The following ZNF653 variants were observed in gnomAD, a reference collection of about 807,000 sequenced individuals.
ZNF653 encodes zinc finger protein 653.
ZNF653 carries 37 observed loss-of-function variants against 59.9 expected under a neutral mutation model. The observed-to-expected ratio is 0.62, with a 90% confidence interval of 0.48 to 0.81. The LOEUF (loss-of-function observed/expected upper bound fraction) is 0.81. Ranked by LOEUF, ZNF653 falls within the 40% of genes least tolerant of loss-of-function variation. The probability of loss-of-function intolerance (pLI) is 0.00; values close to 1 mark genes in which losing one functional copy is unlikely to be tolerated. For synonymous variants in ZNF653, 435 were observed against 371.8 expected (o/e 1.17, Z -1.96); for missense variants, 808 against 881.1 (o/e 0.92, Z 1.05).
At chr19:11,485,882 G>A (rs1971460645) in intron 6 of ZNF653, 112 bp from the exon 7 acceptor site, 3 of 772,256 alleles carry the variant, frequency 3.9e-6, no homozygotes, top group South Asian at 1.5e-5. Flanking sequence ...TCCCCAGGAG[G>A]AGGGAAGAGG....
At chr19:11,497,889 T>C (rs1391736081) in intron 2 of ZNF653, among the ~76,000 whole-genome samples, 1 of 152,144 alleles carries the variant, frequency 6.6e-6, no homozygotes, top group Admixed American at 6.5e-5. Flanking sequence ...CCAGCTGGCC[T>C]TCACCCTGCT....
intron 6 of ZNF653, 36 bp downstream of exon 6, chr19:11,486,733 G>A (rs1194252100): frequency 6.5e-7 from 1 of 1,536,422 alleles, no homozygotes; most frequent in Non-Finnish European, 8.9e-7. Context: ...TGGGCCTTGT[G>A]GGCCTGGCCC....
chr19:11,490,371 T>C (rs1275388670), intron 3 of ZNF653, among the ~76,000 whole-genome samples: 3 of 152,086 alleles, frequency 2.0e-5, no homozygotes, highest in African/African-American at 4.8e-5. Context: ...AAGAGGGTTT[T>C]TGTTGTTCTG....
At chr19:11,489,805 G>A (rs1971511338) in intron 3 of ZNF653, among the ~76,000 whole-genome samples, 2 of 152,158 alleles carry the variant, frequency 1.3e-5, no homozygotes, top group Non-Finnish European at 2.9e-5. Context: ...CCAGACCCAC[G>A]CTGTGGTATC....
intron 3 of ZNF653, among the ~76,000 whole-genome samples, chr19:11,488,221 C>T (rs1254904524): frequency 6.6e-6 from 1 of 151,612 alleles, no homozygotes; most frequent in Non-Finnish European, 1.5e-5. Flanking sequence ...GCGATCTCTG[C>T]TCACTACAAG....
intron 1 of ZNF653, among the ~76,000 whole-genome samples, chr19:11,501,647 T>C (rs1971645509): frequency 6.6e-6 from 1 of 152,174 alleles, no homozygotes; most frequent in African/African-American, 2.4e-5. Flanking sequence ...GCACTGGACA[T>C]GGCAGACACT....
At position 11,483,510 on chromosome 19, in the gene ZNF653, T is replaced by C. The variant is rs899876739; in HGVS notation, c.*172A>G. 6.4e-6 allele frequency: 9 copies of C among 1,399,664 alleles called. No homozygotes were observed. The highest frequency in any genetic ancestry group is 8.4e-6 in the Non-Finnish European group (9 of 1,077,252). The allele number at this position is 1,399,664 out of a possible 1,614,324, so 86.7% of individuals were successfully genotyped here. ...CCCCAGGCACCAGCTCCGAGAAGGA[T>C]GCGGTGGGGCGGGGTGGGGAACCTG... On this transcript the variant is annotated 3_prime_UTR_variant, in exon 9 of 9. Transcript: ENST00000293771.
intron 3 of ZNF653, among the ~76,000 whole-genome samples, chr19:11,490,723 A>G (rs540715080): frequency 1.3e-5 from 2 of 152,100 alleles, no homozygotes; most frequent in Non-Finnish European, 1.5e-5. Context: ...ACAACCATCC[A>G]TGGCCTGGTG....
chr19:11,497,119 C>T (rs1434288543), intron 2 of ZNF653, among the ~76,000 whole-genome samples: 2 of 152,244 alleles, frequency 1.3e-5, no homozygotes, highest in African/African-American at 4.8e-5. Flanking sequence ...AGAGGCCACT[C>T]CCTGCCCAGT....
Position 11,485,669 on chromosome 19 carries a change from C to G in ZNF653, c.1557G>C (p.Met519Ile). The change falls in exon 7 of 9, where the codon ATG becomes ATC. Residue 519 changes from methionine (M) to isoleucine (I), a missense_variant. Transcript: ENST00000293771. The stretch of plus-strand genomic sequence containing the variant: ...CCAGGGCCTGACCTGAATGGATGAT[C>G]ATGTGCCGCCGCAGGTGGTTGGATA... ...FYLSNHLRRH[M>I]IIHSGVREFT... 1 of 1,613,880 alleles carries G rather than the reference C, an allele frequency of 6.2e-7. No individual in the cohort carries two copies.
Position 11,495,943 on chromosome 19 carries a change from G to T in ZNF653, c.559+7C>A, listed in dbSNP as rs1387947689. On this transcript the variant is annotated splice_region_variant and intron_variant, in intron 3 of 8. Coordinates refer to ENST00000293771, the MANE Select transcript of ZNF653 (RefSeq NM_138783.4). The surrounding 1 kb of genome is among the most constrained non-coding windows in gnomAD (Gnocchi z 4.9). The stretch of plus-strand genomic sequence containing the variant: ...GCCCCCTATGTGCCCTCGCCCTGCA[G>T]ACCTACCTTTGTCACTGTCAGGGTC... 1.2e-6 allele frequency: 2 copies of T among 1,613,518 alleles called. No homozygotes were observed. The highest frequency in any genetic ancestry group is 1.1e-5 in the South Asian group (1 of 90,974).
At chr19:11,490,147 G>A (rs1971515627) in intron 3 of ZNF653, among the ~76,000 whole-genome samples, 2 of 152,146 alleles carry the variant, frequency 1.3e-5, no homozygotes, top group Admixed American at 1.3e-4. Context: ...CCCATCCTCA[G>A]GTTTGATAAT....
At position 11,505,660 on chromosome 19, in the gene ZNF653, C is replaced by G; in HGVS notation, c.127G>C (p.Asp43His). Reference sequence around the variant, plus strand: ...GACTCGAGCCGTCGCCGGGCCCGGTCCGACTCCGTGAGTCGCGGCCGGCCC... The same window carrying G: ...GACTCGAGCCGTCGCCGGGCCCGGTGCGACTCCGTGAGTCGCGGCCGGCCC... The part of the protein sequence containing the change: ...ARGRPRLTES[D>H]RARRRLESRK... Residue 43 changes from aspartate (D) to histidine (H), a missense_variant, in exon 1 of 9, where the codon GAC becomes CAC. Coordinates refer to ENST00000293771, the MANE Select transcript of ZNF653 (RefSeq NM_138783.4). 1 of 1,496,046 alleles carries G rather than the reference C, an allele frequency of 6.7e-7. No homozygotes were observed. The highest frequency in any genetic ancestry group is 8.8e-7 in the Non-Finnish European group (1 of 1,130,354). 92.7% of individuals were successfully genotyped at this position (1,496,046 alleles called of 1,614,324 possible). A position where few individuals can be genotyped will look rare whatever the true frequency, so the allele number is the denominator to read the frequency against.
At chr19:11,485,815 G>A (rs1360871196) in intron 6 of ZNF653, 45 bp from the exon 7 acceptor site, 3 of 1,496,112 alleles carry the variant, frequency 2.0e-6, no homozygotes, top group Middle Eastern at 1.7e-4. Flanking sequence ...GCCCACAGAA[G>A]GGGCTCTGGG....
chr19:11,485,914 G>A, intron 6 of ZNF653, 144 bp from the exon 7 acceptor site: 1 of 658,670 alleles, frequency 1.5e-6, no homozygotes, highest in South Asian at 1.7e-5. Context: ...CCAGCTCAGA[G>A]ATTCCCAGGG....
chr19:11,483,668 A>G lies in ZNF653; in HGVS notation c.*14T>C. On this transcript the variant is annotated 3_prime_UTR_variant, in exon 9 of 9. Coordinates refer to ENST00000293771, the MANE Select transcript of ZNF653 (RefSeq NM_138783.4). Reference sequence around the variant, plus strand: ...AGCGGACGAATAAATAGGGGCGGTCAGTGGTCAGGTGGGTCAGGTGGGCTT... The same window carrying G: ...AGCGGACGAATAAATAGGGGCGGTCGGTGGTCAGGTGGGTCAGGTGGGCTT... 1 of 1,604,676 alleles carries G rather than the reference A, an allele frequency of 6.2e-7. No homozygotes were observed. Among genetic ancestry groups the G allele is most frequent in the Non-Finnish European group, 8.5e-7 (1 of 1,172,264 alleles).
chr19:11,498,252 G>C (rs986430646), intron 2 of ZNF653, 44 bp downstream of exon 2: 1 of 1,612,828 alleles, frequency 6.2e-7, no homozygotes, highest in Non-Finnish European at 8.5e-7. Context: ...TATTCCCACC[G>C]CTCCCAACTC....
In ZNF653 at chr19:11,487,690, C is replaced by A; in HGVS notation, c.773G>T (p.Gly258Val). The stretch of plus-strand genomic sequence containing the variant: ...TGCTGGGTTGGAGCACAGCGGGGTA[C>A]CCTGCTCGGCCAGGCTTTCCACGTG... The part of the protein sequence containing the change: ...VHHVESLAEQ[G>V]TPLCSNPAGN... The change falls in exon 4 of 9, where the codon GGT (glycine) becomes GTT (valine). Residue 258 changes from glycine (G) to valine (V), a missense_variant. Coordinates refer to ENST00000293771, the MANE Select transcript of ZNF653 (RefSeq NM_138783.4). The surrounding 1 kb of genome is among the most constrained non-coding windows in gnomAD (Gnocchi z 5.1). The A allele has an allele frequency of 6.2e-7, 1 of 1,613,836 alleles. No homozygotes were observed. The highest frequency in any genetic ancestry group is 8.5e-7 in the Non-Finnish European group (1 of 1,179,960).
intron 3 of ZNF653, among the ~76,000 whole-genome samples, chr19:11,491,085 C>T (rs189040859): frequency 2.1e-3 from 318 of 152,344 alleles, no homozygotes; most frequent in Admixed American, 5.6e-3. Flanking sequence ...GCGGCCCCAC[C>T]GGCCCCCTGC....
Sources: allele counts gnomAD v4.1 joint callset (sites outside exome capture counted in the v4.1 genomes callset), GRCh38; gene constraint gnomAD v4.1.1; non-coding constraint Gnocchi (gnomAD v3.1); transcripts MANE v1.5; gene names NCBI Gene and HGNC (gene_info 2026-07-23, HGNC 2026-07-21).